Variants in PDE4A observed in about 807,000 individuals in gnomAD.
PDE4A encodes 3',5'-cyclic-AMP phosphodiesterase 4A.
Under a neutral mutation model 73.9 loss-of-function variants are expected in PDE4A, and 21 were observed. The observed-to-expected ratio is 0.28, with a 90% CI of 0.20 to 0.41. The LOEUF (loss-of-function observed/expected upper bound fraction) is 0.41, where lower values mean the gene tolerates loss of function less well. PDE4A is among the 10% of genes least tolerant of loss of function. The probability of loss-of-function intolerance (pLI) is 1.00; values close to 1 mark genes in which losing one functional copy is unlikely to be tolerated. For missense variants in PDE4A, 958 were observed against 1,211.4 expected, an observed-to-expected ratio of 0.79 and a Z score of 3.10; for synonymous variants, 463 against 505.4, an observed-to-expected ratio of 0.92 and a Z score of 1.13.
chr19:10,417,257 G>A (rs1282071230), upstream of PDE4A: 1 of 985,038 alleles, frequency 1.0e-6, no homozygotes, highest in African/African-American at 1.7e-5. Context: ...GGCGCTAGGG[G>A]TGGTGAGGTC....
chr19:10,467,856 A>T lies in PDE4A; in HGVS notation c.*235A>T, dbSNP rs946463945. On this transcript the variant is annotated 3_prime_UTR_variant, in exon 15 of 15. Coordinates refer to ENST00000380702, the MANE Select transcript of PDE4A (RefSeq NM_001111307.2). Reference sequence around the variant, plus strand: ...ATGAGGGGCTGAGGTCCCGGAAGGGATTTTATTTTTTTGAATTTTAATTGT... The same window carrying T: ...ATGAGGGGCTGAGGTCCCGGAAGGGTTTTTATTTTTTTGAATTTTAATTGT... 33 of 383,636 alleles carry T rather than the reference A, an allele frequency of 8.6e-5. No homozygotes were observed. The highest frequency in any genetic ancestry group is 6.6e-4 in the African/African-American group (32 of 48,126). The allele number at this position is 383,636 out of a possible 1,614,324, so 23.8% of individuals were successfully genotyped here.
intron 1 of PDE4A, among the ~76,000 whole-genome samples, chr19:10,425,984 C>CTCTT (rs2042712049): frequency 2.1e-5 from 1 of 48,384 alleles, no homozygotes; most frequent in Non-Finnish European, 3.8e-5. Context: ...GAGACCCTGT[C>CTCTT]AAAAAAAAAA....
At chr19:10,417,336 C>T, upstream of PDE4A, 1 of 985,140 alleles carries the variant, frequency 1.0e-6, no homozygotes, top group Non-Finnish European at 1.2e-6. Flanking sequence ...CCCTCTTAGA[C>T]GTGGAGGTTG....
intron 14 of PDE4A, 57 bp from the exon 15 acceptor site, chr19:10,466,830 G>A: frequency 6.4e-7 from 1 of 1,565,872 alleles, no homozygotes. Context: ...CTCCCATAAT[G>A]TGGTGGTATC....
chr19:10,421,839 C>T (rs1265974551), intron 1 of PDE4A, among the ~76,000 whole-genome samples: 5 of 152,150 alleles, frequency 3.3e-5, no homozygotes, highest in Non-Finnish European at 5.9e-5. Flanking sequence ...GGGTATTCTC[C>T]GATTGACCTC....
At chr19:10,436,046 T>C (rs140082902) in intron 1 of PDE4A, among the ~76,000 whole-genome samples, 19 of 152,304 alleles carry the variant, frequency 1.2e-4, no homozygotes, top group African/African-American at 4.6e-4. Context: ...GGCTGGTGGA[T>C]GTGCCAGGAT....
At position 10,457,476 on chromosome 19, in the gene PDE4A, C is replaced by T. The variant is rs1366883837; in HGVS notation, c.878-403C>T. ...GACATGGAGCCAGAGACCACCCTTCCCTCTCTCTTCCCAGTGATGCCACCC... is the reference window on the plus strand; with the variant it reads ...GACATGGAGCCAGAGACCACCCTTCTCTCTCTCTTCCCAGTGATGCCACCC... On this transcript the variant is annotated intron_variant, in intron 7 of 14. Transcript: ENST00000380702. Among the ~76,000 whole-genome samples the T allele has an allele frequency of 6.7e-5, 10 of 149,550 alleles. No homozygotes were observed. In the Admixed American group the frequency reaches 6.7e-4, roughly 10 times the overall value.
chr19:10,448,356 G>A (rs761811613), intron 2 of PDE4A, among the ~76,000 whole-genome samples: 6 of 151,936 alleles, frequency 3.9e-5, no homozygotes, highest in Non-Finnish European at 8.8e-5. Flanking sequence ...AAATAAAAAG[G>A]TCAGGCACGG....
chr19:10,417,627 G>A, upstream of PDE4A: 5 of 1,557,560 alleles, frequency 3.2e-6, no homozygotes, highest in Non-Finnish European at 4.3e-6. Context: ...TCCCAGCCAG[G>A]CCACGCCCCT....
At chr19:10,427,993 CAAAA>C (rs5827099) in intron 1 of PDE4A, 29 of 107,954 alleles carry the variant, frequency 2.7e-4, no homozygotes, top group Non-Finnish European at 4.3e-4. Flanking sequence ...GAGACCCTGT[CAAAA>C]AAAAAAAAAA....
chr19:10,430,746 G>C, intron 1 of PDE4A: 1 of 302,798 alleles, frequency 3.3e-6, no homozygotes, highest in Non-Finnish European at 4.8e-6. Context: ...GGCGGGGTGG[G>C]GCCCGCGGGC....
chr19:10,442,833 T>C (rs1337977821), intron 1 of PDE4A, among the ~76,000 whole-genome samples: 2 of 148,856 alleles, frequency 1.3e-5, no homozygotes, highest in Non-Finnish European at 3.0e-5. Flanking sequence ...ATATCAGTAA[T>C]ATTATATATA....
At chr19:10,431,058 T>A (rs1294822753) in intron 1 of PDE4A, 1 of 1,574,272 alleles carries the variant, frequency 6.4e-7, no homozygotes, top group African/African-American at 1.4e-5. Context: ...CTGCCAGGAT[T>A]TGGGCCGCCA....
chr19:10,442,967 TAATATTA>T (rs1165725113), intron 1 of PDE4A, among the ~76,000 whole-genome samples: 4 of 151,876 alleles, frequency 2.6e-5, no homozygotes, highest in Non-Finnish European at 5.9e-5. Context: ...GTAATATTAG[TAATATTA>T]CATATTACAT....
chr19:10,434,742 C>A (rs1262205607), intron 1 of PDE4A, among the ~76,000 whole-genome samples: 2 of 152,014 alleles, frequency 1.3e-5, no homozygotes, highest in African/African-American at 4.8e-5. Flanking sequence ...AAGCGCCCCG[C>A]CACCACGCCT....
chr19:10,437,686 G>A (rs2042883415), intron 1 of PDE4A, among the ~76,000 whole-genome samples: 1 of 152,012 alleles, frequency 6.6e-6, no homozygotes, highest in South Asian at 2.1e-4. Context: ...TCAAAGTGCT[G>A]TGATTATAGG....
upstream of PDE4A, chr19:10,417,806 C>T (rs1214726883): frequency 1.9e-6 from 3 of 1,556,380 alleles, no homozygotes; most frequent in East Asian, 2.4e-5. Context: ...CGCCACGGCC[C>T]ACCACCCTGC....
chr19:10,455,795 T>C (rs184734245), intron 7 of PDE4A, among the ~76,000 whole-genome samples: 13 of 149,822 alleles, frequency 8.7e-5, no homozygotes, highest in African/African-American at 3.2e-4. Flanking sequence ...GCCTCCAAGC[T>C]GAAAAGCCTC....
At chr19:10,447,356 G>C (rs1262104545) in intron 2 of PDE4A, among the ~76,000 whole-genome samples, 2 of 147,646 alleles carry the variant, frequency 1.4e-5, no homozygotes, top group African/African-American at 5.0e-5. Flanking sequence ...CTCCTGAGTA[G>C]CTGGGACTAC....
Sources: gnomAD v4.1 joint callset for allele counts (sites outside exome capture counted in the v4.1 genomes callset) on GRCh38, gnomAD v4.1.1 for gene constraint, MANE v1.5 for transcripts, NCBI Gene and HGNC (gene_info 2026-07-23, HGNC 2026-07-21) for gene names.